The following JAKMIP3 variants were observed in gnomAD, a reference collection of about 807,000 sequenced individuals.
The protein encoded by JAKMIP3 is janus kinase and microtubule-interacting protein 3.
A neutral mutation model predicts 118.5 loss-of-function variants in JAKMIP3; 58 were observed. The ratio of observed to expected loss-of-function variants is 0.49; its 90% CI spans 0.40 to 0.61. The LOEUF (loss-of-function observed/expected upper bound fraction) is 0.61, where lower values mean the gene tolerates loss of function less well. JAKMIP3 is among the 20% of genes least tolerant of loss of function. JAKMIP3 has a pLI of 0.00. For synonymous variants in JAKMIP3, 486 were observed against 451.2 expected, an observed-to-expected ratio of 1.08 and a Z score of -0.98; for missense variants, 950 against 1,109.0, an observed-to-expected ratio of 0.86 and a Z score of 2.04.
chr10:132,153,305 T>G (rs1238009526), intron 17 of JAKMIP3, among the ~76,000 whole-genome samples: 1 of 152,218 alleles, frequency 6.6e-6, no homozygotes, highest in African/African-American at 2.4e-5. Flanking sequence ...GGCAGCGTTC[T>G]CTGTTCAACT....
chr10:132,157,347 A>G (rs1202648663), intron 19 of JAKMIP3, among the ~76,000 whole-genome samples: 1 of 152,098 alleles, frequency 6.6e-6, no homozygotes, highest in African/African-American at 2.4e-5. Flanking sequence ...CAGCCCAAGG[A>G]GTGACTTGGT....
chr10:132,046,430 T>C (rs1347093732), intron 1 of JAKMIP3, among the ~76,000 whole-genome samples: 2 of 150,358 alleles, frequency 1.3e-5, no homozygotes, highest in Non-Finnish European at 2.9e-5. Flanking sequence ...CACTCCAGCC[T>C]GGGTGACAGA....
intron 21 of JAKMIP3, among the ~76,000 whole-genome samples, chr10:132,165,512 G>A (rs980042971): frequency 5.3e-5 from 8 of 152,110 alleles, no homozygotes; most frequent in African/African-American, 9.7e-5. Flanking sequence ...CTGAAGGGAC[G>A]GGCTCCCTCC....
rs2060982781 is a variant in JAKMIP3, at chr10:132,180,658, CGTGTGTGCGTGTGT to C, written c.*1104-1695_*1104-1682del. On this transcript the variant is annotated intron_variant, in intron 23 of 23. Transcript: ENST00000684848. ...GCGTGCGTGTGTGCGTGTGCGTGTGCGTGTGTGCGTGTGTGTGCGCGCGCGTGTGTGTGCGTGCG... is the reference window on the plus strand; with the variant it reads ...GCGTGCGTGTGTGCGTGTGCGTGTGCGTGCGCGCGCGTGTGTGTGCGTGCG... 2.4e-4 allele frequency among the ~76,000 whole-genome samples: 2 copies of C among 8,432 alleles called. 1 individual carries two copies. The highest frequency in any genetic ancestry group is 3.8e-4 in the Non-Finnish European group (2 of 5,210). The allele number at this position is 8,432 out of a possible 152,430, so 5.5% of individuals were successfully genotyped here.
rs772344159 is a variant in JAKMIP3 at position 132,118,266 on chromosome 10, C to T, written c.633+692C>T. Among the ~76,000 whole-genome samples, 14 of 152,316 alleles carry T rather than the reference C, an allele frequency of 9.2e-5. No individual in the cohort carries two copies. The highest frequency in any genetic ancestry group is 2.1e-4 in the South Asian group (1 of 4,824). On this transcript the variant is annotated intron_variant, in intron 3 of 23. Coordinates refer to ENST00000684848, the MANE Select transcript of JAKMIP3 (RefSeq NM_001323087.2). This position sits in a 1 kb window ranked among gnomAD's most constrained non-coding sequence, Gnocchi z 4.8. The stretch of plus-strand genomic sequence containing the variant: ...CACCCATGGCAGGCACCAGGAGAGT[C>T]GATGTTCTCAAAGGCCCAGGGTTCA...
chr10:132,113,080 T>A (rs993690039), intron 2 of JAKMIP3, among the ~76,000 whole-genome samples: 2 of 152,188 alleles, frequency 1.3e-5, no homozygotes, highest in African/African-American at 4.8e-5. Context: ...CTGAAAGCAG[T>A]TGTCACCTCA....
intron 19 of JAKMIP3, among the ~76,000 whole-genome samples, chr10:132,159,667 G>GT (rs2057718502): frequency 9.9e-6 from 1 of 100,720 alleles, no homozygotes. Context: ...TGTGATGCTG[G>GT]GGGGTCCTCT....
intron 1 of JAKMIP3, among the ~76,000 whole-genome samples, chr10:132,077,631 T>A (rs948076763): frequency 5.3e-5 from 8 of 152,250 alleles, no homozygotes; most frequent in Admixed American, 5.2e-4. Context: ...TGTGATTTTC[T>A]ACATCTTAAG....
intron 13 of JAKMIP3, 102 bp from the exon 14 acceptor site, chr10:132,147,850 C>CCCCGGCAGCCAGCAGCTGT: frequency 3.6e-6 from 3 of 822,106 alleles, no homozygotes; most frequent in Non-Finnish European, 5.8e-6. Context: ...CAGCCGGCCT[C>CCCCGGCAGCCAGCAGCTGT]CCCGGCAGCC....
intron 19 of JAKMIP3, among the ~76,000 whole-genome samples, chr10:132,162,806 C>G (rs1388333595): frequency 1.5e-5 from 1 of 68,482 alleles, no homozygotes; most frequent in Non-Finnish European, 4.8e-5. Flanking sequence ...GGTTATAGCA[C>G]CAGGATCGGG....
intron 3 of JAKMIP3, among the ~76,000 whole-genome samples, chr10:132,131,715 C>A (rs1348406600): frequency 6.6e-6 from 1 of 152,026 alleles, no homozygotes; most frequent in Non-Finnish European, 1.5e-5. Flanking sequence ...GCCTGGTGCA[C>A]CAGGACGCCT....
rs2051653567 is a variant in JAKMIP3, at chr10:132,135,829, C to T, written c.970-101C>T. The T allele has an allele frequency of 1.2e-5, 15 of 1,280,058 alleles. No homozygotes were observed. The South Asian group carries it at 1.9e-4, about 17-fold the overall frequency. 79.3% of individuals were successfully genotyped at this position (1,280,058 alleles called of 1,614,324 possible). On this transcript the variant is annotated intron_variant, in intron 5 of 23. Transcript: ENST00000684848. ...TTCCCAAGTAGAGGGCTGGGGACTG[C>T]GTTGTTGCAGCCCAAGCTGTGGTCA...
chr10:132,115,409 C>T (rs925855878), intron 2 of JAKMIP3, among the ~76,000 whole-genome samples: 2 of 152,210 alleles, frequency 1.3e-5, no homozygotes, highest in Non-Finnish European at 2.9e-5. Context: ...AGGAGGCCTC[C>T]GCACAGCCGC....
chr10:132,167,187 A>G, intron 22 of JAKMIP3, 132 bp downstream of exon 22: 1 of 682,970 alleles, frequency 1.5e-6, no homozygotes. Flanking sequence ...AGCATCCCCA[A>G]AAGGGTTGTT....
intron 12 of JAKMIP3, 150 bp from the exon 13 acceptor site, chr10:132,145,368 C>T: frequency 2.2e-6 from 2 of 907,016 alleles, no homozygotes; most frequent in Non-Finnish European, 3.4e-6. Context: ...CATGTGCCAC[C>T]ACGCCCGGCT....
chr10:132,040,673 G>A lies in JAKMIP3; in HGVS notation c.-138+3935G>A, dbSNP rs921797143. Among the ~76,000 whole-genome samples the A allele has an allele frequency of 3.6e-5, 5 of 138,902 alleles. 1 individual carries two copies. The highest frequency in any genetic ancestry group is 8.1e-5 in the African/African-American group (3 of 37,114). The allele number at this position is 138,902 out of a possible 152,430, so 91.1% of individuals were successfully genotyped here. On this transcript the variant is annotated intron_variant, in intron 1 of 23. Transcript: ENST00000657785. ...TTTTCATTTTCATTTTTTTTTTATC[G>A]TGGTAGATAAGAACACTTAACATGA... is the stretch of plus-strand genomic sequence containing the variant.
chr10:132,079,147 G>A (rs2041365308), intron 1 of JAKMIP3, among the ~76,000 whole-genome samples: 1 of 89,142 alleles, frequency 1.1e-5, no homozygotes, highest in African/African-American at 5.4e-5. Flanking sequence ...CCTGGCCTGG[G>A]AGCGGACGGC....
intron 3 of JAKMIP3, among the ~76,000 whole-genome samples, chr10:132,125,217 T>A (rs1346925279): frequency 6.6e-6 from 1 of 152,270 alleles, no homozygotes; most frequent in Non-Finnish European, 1.5e-5. Flanking sequence ...AACATTTAAT[T>A]CTATAATTCG....
chr10:132,096,605 A>G (rs979697595), intron 1 of JAKMIP3, among the ~76,000 whole-genome samples: 2 of 152,192 alleles, frequency 1.3e-5, no homozygotes, highest in African/African-American at 4.8e-5. Context: ...TCCTTGATGA[A>G]AAAGTTGTGG....
Sources: allele counts gnomAD v4.1 joint callset (sites outside exome capture counted in the v4.1 genomes callset), GRCh38; gene constraint gnomAD v4.1.1; non-coding constraint Gnocchi (gnomAD v3.1); transcripts MANE v1.5; gene names NCBI Gene and HGNC (gene_info 2026-07-23, HGNC 2026-07-21).